FARS2: variants seen among roughly 807,000 people sequenced by gnomAD.
FARS2 encodes phenylalanyl-tRNA synthetase 2, mitochondrial.
FARS2 carries 40 observed loss-of-function variants against 46.4 expected under a neutral mutation model. The ratio of observed to expected loss-of-function variants is 0.86; its 90% confidence interval spans 0.67 to 1.12. FARS2 has a LOEUF of 1.12. Ranked by LOEUF, FARS2 falls within the 50% of genes most tolerant of loss-of-function variation. The probability of loss-of-function intolerance (pLI) is 0.00; values close to 1 mark genes in which losing one functional copy is unlikely to be tolerated. For synonymous variants in FARS2, 234 were observed against 214.9 expected (o/e 1.09, Z -0.78); for missense variants, 513 against 567.9 (o/e 0.90, Z 0.98).
chr6:5,385,419 T>C (rs1360995364), intron 2 of FARS2, among the ~76,000 whole-genome samples: 2 of 132,578 alleles, frequency 1.5e-5, no homozygotes, highest in South Asian at 2.6e-4. Context: ...CTTTTCTTTT[T>C]TTCTTTTCTT....
At chr6:5,587,068 A>G (rs1773655713) in intron 5 of FARS2, among the ~76,000 whole-genome samples, 1 of 152,218 alleles carries the variant, frequency 6.6e-6, no homozygotes, top group Non-Finnish European at 1.5e-5. Context: ...TAGTCAGTAC[A>G]TTAATATCTG....
chr6:5,598,075 T>C (rs1296514487), intron 5 of FARS2, among the ~76,000 whole-genome samples: 1 of 152,068 alleles, frequency 6.6e-6, no homozygotes, highest in Non-Finnish European at 1.5e-5. Flanking sequence ...AGAGCAACTA[T>C]GATGTTTTCT....
At chr6:5,657,860 C>G (rs901951272) in intron 6 of FARS2, among the ~76,000 whole-genome samples, 5 of 152,144 alleles carry the variant, frequency 3.3e-5, no homozygotes, top group African/African-American at 7.2e-5. Context: ...TGCCTAGATT[C>G]AAATTTTGGT....
At position 5,630,853 on chromosome 6, in the gene FARS2, A is replaced by G. The variant is rs1415533484; in HGVS notation, c.1217+17533A>G. Among the ~76,000 whole-genome samples the G allele has an allele frequency of 6.6e-6, 1 of 152,226 alleles. No individual in the cohort carries two copies. The highest frequency in any genetic ancestry group is 1.5e-5 in the Non-Finnish European group (1 of 68,028). ...TAAGAAAGAATGTGGCATGCAAATT[A>G]AGACCTGAAAATATGAATGGAGTCT... On this transcript the variant is annotated intron_variant, in intron 6 of 6. Transcript: ENST00000274680. The surrounding 1 kb of genome is among the most constrained non-coding windows in gnomAD (Gnocchi z 4.2).
At chr6:5,314,622 T>C (rs1326629912) in intron 1 of FARS2, among the ~76,000 whole-genome samples, 1 of 152,172 alleles carries the variant, frequency 6.6e-6, no homozygotes, top group Non-Finnish European at 1.5e-5. Flanking sequence ...AGTGGGTGTT[T>C]TTTTCTCTAA....
chr6:5,467,110 C>T, intron 4 of FARS2: 1 of 983,156 alleles, frequency 1.0e-6, no homozygotes, highest in Non-Finnish European at 1.2e-6. Context: ...GGTTGTTGAG[C>T]CCTCCATTTT....
chr6:5,433,953 G>T (rs1763374854), intron 4 of FARS2, among the ~76,000 whole-genome samples: 1 of 152,148 alleles, frequency 6.6e-6, no homozygotes, highest in South Asian at 2.1e-4. Context: ...ACGTTAATGA[G>T]GCTGCTGTTC....
chr6:5,594,385 C>T (rs772221813), intron 5 of FARS2, among the ~76,000 whole-genome samples: 4 of 152,120 alleles, frequency 2.6e-5, no homozygotes, highest in Non-Finnish European at 5.9e-5. Flanking sequence ...GAATCTGGTG[C>T]GATAACAGGG....
intron 6 of FARS2, among the ~76,000 whole-genome samples, chr6:5,742,402 G>A (rs1406352723): frequency 6.6e-6 from 1 of 152,148 alleles, no homozygotes; most frequent in Admixed American, 6.5e-5. Context: ...ATGAGAGCGG[G>A]GAGAGGGATG....
intron 2 of FARS2, among the ~76,000 whole-genome samples, chr6:5,391,385 T>G (rs999143487): frequency 2.0e-5 from 3 of 152,182 alleles, no homozygotes; most frequent in African/African-American, 7.2e-5. Flanking sequence ...GTATGTAAGA[T>G]AAGCACTCAG....
At chr6:5,433,299 T>C (rs969679496) in intron 4 of FARS2, among the ~76,000 whole-genome samples, 5 of 152,216 alleles carry the variant, frequency 3.3e-5, no homozygotes, top group Non-Finnish European at 7.3e-5. Context: ...CTCAAGTGCT[T>C]AGCAAAGGGT....
At chr6:5,719,396 T>TAAAAAAAA (rs55695285) in intron 6 of FARS2, among the ~76,000 whole-genome samples, 2 of 123,052 alleles carry the variant, frequency 1.6e-5, no homozygotes, top group Admixed American at 9.1e-5. Flanking sequence ...CAAAAAAAAT[T>TAAAAAAAA]AAAAAAAAAA....
At chr6:5,628,327 A>G (rs910089518) in intron 6 of FARS2, among the ~76,000 whole-genome samples, 3 of 152,072 alleles carry the variant, frequency 2.0e-5, no homozygotes, top group Admixed American at 1.3e-4. Context: ...AAGGCAGAGA[A>G]ACTTCAGGTC....
chr6:5,341,188 GATATATATATAT>G lies in FARS2; in HGVS notation c.-21-27325_-21-27314del, dbSNP rs869067569. Among the ~76,000 whole-genome samples, 111 of 34,174 alleles carry G rather than the reference GATATATATATAT, an allele frequency of 3.2e-3. 2 individuals are homozygous for G. The highest frequency in any genetic ancestry group is 7.7e-3 in the African/African-American group (68 of 8,826). The allele number at this position is 34,174 out of a possible 152,430, so 22.4% of individuals were successfully genotyped here. On this transcript the variant is annotated intron_variant, in intron 1 of 6. Coordinates refer to ENST00000274680, the MANE Select transcript of FARS2 (RefSeq NM_006567.5). ...TTTGCCTGCTCTGTGGCCATGGGGA[GATATATATATAT>G]ATATATATATATATATATATATATA...
At chr6:5,260,598 T>TGCCCCGGCCCCGGGC, upstream of FARS2, 1 of 1,105,570 alleles carries the variant, frequency 9.0e-7, no homozygotes, top group Non-Finnish European at 1.3e-6. Context: ...GCACCCCCGG[T>TGCCCCGGCCCCGGGC]CCCCGGCCCC....
At chr6:5,281,906 A>T (rs763657113) in intron 1 of FARS2, among the ~76,000 whole-genome samples, 3 of 152,182 alleles carry the variant, frequency 2.0e-5, no homozygotes, top group Non-Finnish European at 2.9e-5. Flanking sequence ...CATTTCTCTC[A>T]TTTAAGAAAA....
At chr6:5,318,087 G>A (rs933896311) in intron 1 of FARS2, among the ~76,000 whole-genome samples, 6 of 152,038 alleles carry the variant, frequency 3.9e-5, no homozygotes, top group Non-Finnish European at 5.9e-5. Context: ...TAGGTTGGGC[G>A]CGGTGGCTCA....
At chr6:5,483,501 T>C (rs1766597324) in intron 4 of FARS2, among the ~76,000 whole-genome samples, 1 of 151,960 alleles carries the variant, frequency 6.6e-6, no homozygotes, top group African/African-American at 2.4e-5. Context: ...AACCCTGTCT[T>C]ACTAAAAATA....
chr6:5,692,723 A>C (rs1463690525), intron 6 of FARS2, among the ~76,000 whole-genome samples: 1 of 152,234 alleles, frequency 6.6e-6, no homozygotes, highest in Non-Finnish European at 1.5e-5. Flanking sequence ...CTGGTGTGAA[A>C]ATACATGTAA....
Sources: allele counts gnomAD v4.1 joint callset (sites outside exome capture counted in the v4.1 genomes callset), GRCh38; gene constraint gnomAD v4.1.1; non-coding constraint Gnocchi (gnomAD v3.1); transcripts MANE v1.5; gene names NCBI Gene and HGNC (gene_info 2026-07-23, HGNC 2026-07-21).